Variants in COMMD10 observed in about 807,000 individuals in gnomAD.
The protein encoded by COMMD10 is COMM domain containing 10.
In COMMD10, 33 loss-of-function variants were observed where a neutral mutation model predicts 28.9. The ratio of observed to expected loss-of-function variants is 1.14; its 90% CI spans 0.87 to 1.53. The LOEUF (loss-of-function observed/expected upper bound fraction) is 1.53. Among genes scored for constraint, COMMD10 ranks in the 40% most tolerant of loss-of-function variants. The pLI, the probability that COMMD10 is intolerant of heterozygous loss-of-function variation, is 0.00. For synonymous variants in COMMD10, 110 were observed against 81.7 expected, an observed-to-expected ratio of 1.35 and a Z score of -1.87; for missense variants, 310 against 233.4, an observed-to-expected ratio of 1.33 and a Z score of -2.14.
At chr5:116,282,662 C>T (rs572302805) in intron 5 of COMMD10, among the ~76,000 whole-genome samples, 1 of 151,898 alleles carries the variant, frequency 6.6e-6, no homozygotes, top group African/African-American at 2.4e-5. Context: ...TTGGTTTCTT[C>T]TAAAGCATCT....
intron 5 of COMMD10, among the ~76,000 whole-genome samples, chr5:116,267,946 A>C (rs548026345): frequency 2.6e-5 from 4 of 152,014 alleles, no homozygotes; most frequent in Admixed American, 1.3e-4. Flanking sequence ...ACAAAAATTA[A>C]TTCGAGATGG....
In COMMD10 at chr5:116,289,652, G is replaced by T. The variant is rs1161253433; in HGVS notation, c.511-1865G>T. Among the ~76,000 whole-genome samples, 4 of 151,872 alleles carry T rather than the reference G, an allele frequency of 2.6e-5. 1 individual carries two copies. The highest frequency in any genetic ancestry group is 9.7e-5 in the African/African-American group (4 of 41,200). Reference sequence around the variant, plus strand: ...GTTCATTCTTTTATTTCTGTCCTGAGGGAGGAGCTCTGGCATGGGGGGTGG... The same window carrying T: ...GTTCATTCTTTTATTTCTGTCCTGATGGAGGAGCTCTGGCATGGGGGGTGG... On this transcript the variant is annotated intron_variant, in intron 5 of 6. Transcript: ENST00000274458.
At chr5:116,265,947 A>G (rs1214142527) in intron 5 of COMMD10, among the ~76,000 whole-genome samples, 2 of 151,802 alleles carry the variant, frequency 1.3e-5, no homozygotes, top group Non-Finnish European at 2.9e-5. Flanking sequence ...AGAGAAAAAA[A>G]CAAAAAGAAA....
At position 116,291,473 on chromosome 5, in the gene COMMD10, A is replaced by G. The variant is rs927766307; in HGVS notation, c.511-44A>G. 5.3e-6 allele frequency: 7 copies of G among 1,318,878 alleles called. No individual in the cohort carries two copies. The African/African-American group carries it at 8.7e-5, about 16-fold the overall frequency. The allele number at this position is 1,318,878 out of a possible 1,614,324, so 81.7% of individuals were successfully genotyped here. On this transcript the variant is annotated intron_variant, in intron 5 of 6. Transcript: ENST00000274458. ...GCTGGAGAGAAAAAATGTGATGTAAATTGTGTGCAACTACATTCTTTTTGT... is the reference window on the plus strand; with the variant it reads ...GCTGGAGAGAAAAAATGTGATGTAAGTTGTGTGCAACTACATTCTTTTTGT...
At chr5:116,241,307 G>T (rs897190186) in intron 5 of COMMD10, among the ~76,000 whole-genome samples, 6 of 152,124 alleles carry the variant, frequency 3.9e-5, no homozygotes, top group Non-Finnish European at 7.4e-5. Context: ...AGAGGATTAG[G>T]TTAGACCCTG....
intron 5 of COMMD10, among the ~76,000 whole-genome samples, chr5:116,219,975 T>C (rs1749204344): frequency 6.6e-6 from 1 of 152,302 alleles, no homozygotes; most frequent in East Asian, 1.9e-4. Context: ...ACTTTTTCTT[T>C]TTTATACTGT....
chr5:116,145,401 G>A (rs1385879508), intron 5 of COMMD10, among the ~76,000 whole-genome samples: 4 of 151,098 alleles, frequency 2.6e-5, no homozygotes, highest in Non-Finnish European at 5.9e-5. Context: ...TTTTATCTTT[G>A]CCGGGTGTTG....
Position 116,134,864 on chromosome 5 carries a change from A to AC in COMMD10, c.510+692dup, listed in dbSNP as rs57179678. Among the ~76,000 whole-genome samples, 595 of 150,774 alleles carry AC rather than the reference A, an allele frequency of 3.9e-3. 5 individuals are homozygous for AC. The highest frequency in any genetic ancestry group is 0.013 in the African/African-American group (541 of 41,000). The stretch of plus-strand genomic sequence containing the variant: ...TCTCGATCCCCTGACCTTGTGATCC[A>AC]CCCCCCTCAGCCTCCCAAAGTGCTG... On this transcript the variant is annotated intron_variant, in intron 5 of 6. Coordinates refer to ENST00000274458, the MANE Select transcript of COMMD10 (RefSeq NM_016144.4).
chr5:116,161,611 T>A (rs1428038233), intron 5 of COMMD10, among the ~76,000 whole-genome samples: 1 of 151,980 alleles, frequency 6.6e-6, no homozygotes, highest in Non-Finnish European at 1.5e-5. Flanking sequence ...ATTTTAGCAA[T>A]AGAGTAAGTT....
intron 5 of COMMD10, among the ~76,000 whole-genome samples, chr5:116,200,941 TGTTGG>T (rs1748649837): frequency 6.6e-6 from 1 of 152,166 alleles, no homozygotes. Flanking sequence ...TGTGTTTTTA[TGTTGG>T]GAGAAGAGAA....
intron 4 of COMMD10, among the ~76,000 whole-genome samples, chr5:116,121,723 G>C (rs530897410): frequency 1.3e-5 from 2 of 152,348 alleles, no homozygotes; most frequent in Admixed American, 1.3e-4. Context: ...TGCATTCTCT[G>C]ATGGCCAGTG....
chr5:116,271,499 A>T (rs1281739972), intron 5 of COMMD10, among the ~76,000 whole-genome samples: 1 of 151,592 alleles, frequency 6.6e-6, no homozygotes, highest in Non-Finnish European at 1.5e-5. Flanking sequence ...TGTAAGTATA[A>T]GTACCCTCCA....
chr5:116,137,981 G>A (rs532619864), intron 5 of COMMD10, among the ~76,000 whole-genome samples: 1 of 151,866 alleles, frequency 6.6e-6, no homozygotes, highest in South Asian at 2.1e-4. Flanking sequence ...TTCGTTAGGG[G>A]GCAGTAGAGT....
chr5:116,197,768 A>G (rs1029967727), intron 5 of COMMD10, among the ~76,000 whole-genome samples: 6 of 152,138 alleles, frequency 3.9e-5, no homozygotes, highest in Non-Finnish European at 7.3e-5. Context: ...TAAAGTGCAG[A>G]TTAAAGTATA....
At chr5:116,110,909 C>T (rs1047010699) in intron 4 of COMMD10, among the ~76,000 whole-genome samples, 3 of 152,166 alleles carry the variant, frequency 2.0e-5, no homozygotes, top group Non-Finnish European at 2.9e-5. Flanking sequence ...GAGAAACCTG[C>T]CTCCATCATC....
chr5:116,109,212 G>A (rs1033389040), intron 4 of COMMD10, among the ~76,000 whole-genome samples: 2 of 152,152 alleles, frequency 1.3e-5, no homozygotes, highest in East Asian at 1.9e-4. Flanking sequence ...CCATTTGTTT[G>A]TGTCGTGTTC....
chr5:116,208,027 G>A (rs1261144685), intron 5 of COMMD10, among the ~76,000 whole-genome samples: 1 of 152,066 alleles, frequency 6.6e-6, no homozygotes, highest in East Asian at 1.9e-4. Flanking sequence ...GCAATGCCTG[G>A]GTTCTGTTCT....
At chr5:116,279,445 G>A (rs1278490292) in intron 5 of COMMD10, among the ~76,000 whole-genome samples, 1 of 151,796 alleles carries the variant, frequency 6.6e-6, no homozygotes, top group Non-Finnish European at 1.5e-5. Flanking sequence ...AAACTTTGAT[G>A]TAAGCTCAGG....
intron 4 of COMMD10, among the ~76,000 whole-genome samples, chr5:116,095,073 C>T (rs557980127): frequency 1.3e-5 from 2 of 152,202 alleles, no homozygotes; most frequent in East Asian, 3.9e-4. Flanking sequence ...TGGGTACAAA[C>T]ATATAATCAG....
Sources: gnomAD v4.1 joint callset for allele counts (sites outside exome capture counted in the v4.1 genomes callset) on GRCh38, gnomAD v4.1.1 for gene constraint, MANE v1.5 for transcripts, NCBI Gene and HGNC (gene_info 2026-07-23, HGNC 2026-07-21) for gene names.